DYRK1A: variants seen among roughly 807,000 people sequenced by gnomAD.
The protein encoded by DYRK1A is dual specificity tyrosine-phosphorylation-regulated kinase 1A.
In DYRK1A, 9 loss-of-function variants were observed where a neutral mutation model predicts 79.7. The observed-to-expected ratio is 0.11, with a 90% CI of 0.07 to 0.20. The LOEUF (loss-of-function observed/expected upper bound fraction) is 0.20. Ranked by LOEUF, DYRK1A falls within the 10% of genes least tolerant of loss-of-function variation. The pLI, the probability that DYRK1A is intolerant of heterozygous loss-of-function variation, is 1.00. For synonymous variants in DYRK1A, 349 were observed against 329.7 expected, an observed-to-expected ratio of 1.06 and a Z score of -0.63; for missense variants, 622 against 956.0, an observed-to-expected ratio of 0.65 and a Z score of 4.61.
At chr21:37,488,174 A>G (rs1332442507) in intron 6 of DYRK1A, 1 of 185,378 alleles carries the variant, frequency 5.4e-6, no homozygotes, top group Non-Finnish European at 1.0e-5. Context: ...GTTGACATTA[A>G]TGATCATATT....
chr21:37,372,857 A>G (rs530247490), intron 1 of DYRK1A, among the ~76,000 whole-genome samples: 101 of 152,134 alleles, frequency 6.6e-4, no homozygotes, highest in Non-Finnish European at 1.2e-3. Flanking sequence ...TTGGCCATGC[A>G]TTCTTTTTTT....
intron 2 of DYRK1A, among the ~76,000 whole-genome samples, chr21:37,435,278 A>G (rs903013308): frequency 6.6e-6 from 1 of 152,204 alleles, no homozygotes; most frequent in African/African-American, 2.4e-5. Context: ...ATCCTGACTA[A>G]CAGTTCCAAT....
chr21:37,505,205 CA>C (rs1445223041), intron 9 of DYRK1A, 77 bp from the exon 10 acceptor site: 18 of 1,184,484 alleles, frequency 1.5e-5, no homozygotes, highest in Non-Finnish European at 2.2e-5. Context: ...TATATTTAAA[CA>C]TATTTGAAAT....
At chr21:37,440,363 C>G (rs1353318420) in intron 2 of DYRK1A, among the ~76,000 whole-genome samples, 1 of 151,864 alleles carries the variant, frequency 6.6e-6, no homozygotes, top group Non-Finnish European at 1.5e-5. Flanking sequence ...TCTCGAACTC[C>G]TGACCTCAAG....
chr21:37,380,737 A>C (rs1262905696), intron 1 of DYRK1A, among the ~76,000 whole-genome samples: 1 of 151,938 alleles, frequency 6.6e-6, no homozygotes, highest in Admixed American at 6.6e-5. Flanking sequence ...AAAAAAAAAA[A>C]CCTACACAAT....
intron 1 of DYRK1A, among the ~76,000 whole-genome samples, chr21:37,392,640 T>G (rs189134415): frequency 1.3e-5 from 2 of 152,304 alleles, no homozygotes; most frequent in Admixed American, 1.3e-4. Flanking sequence ...TACAAGGACA[T>G]GAATCCCACA....
intron 5 of DYRK1A, among the ~76,000 whole-genome samples, chr21:37,482,253 G>A (rs963069159): frequency 7.9e-5 from 12 of 152,042 alleles, no homozygotes; most frequent in African/African-American, 2.2e-4. Flanking sequence ...GCCAGATATC[G>A]GGCAAAATTC....
intron 1 of DYRK1A, among the ~76,000 whole-genome samples, chr21:37,389,052 T>A (rs1345871537): frequency 6.6e-6 from 1 of 151,460 alleles, no homozygotes; most frequent in Non-Finnish European, 1.5e-5. Flanking sequence ...AAAAAAAATT[T>A]TTTTTTTAAG....
At chr21:37,400,031 C>G (rs561126979) in intron 1 of DYRK1A, among the ~76,000 whole-genome samples, 2 of 152,274 alleles carry the variant, frequency 1.3e-5, no homozygotes, top group East Asian at 1.9e-4. Context: ...AAATCAGAAT[C>G]ATTGAGCCTA....
chr21:37,430,363 C>G (rs1291627271), intron 2 of DYRK1A: 3 of 984,970 alleles, frequency 3.0e-6, no homozygotes, highest in African/African-American at 1.7e-5. Context: ...TCACTGAGGT[C>G]GTTCCAGTCA....
chr21:37,478,387 T>TC, intron 4 of DYRK1A, 87 bp downstream of exon 4: 1 of 1,110,770 alleles, frequency 9.0e-7, no homozygotes. Context: ...AACTTTTTTT[T>TC]CATTCCTAGT....
chr21:37,381,503 T>C (rs1395542564), intron 1 of DYRK1A, among the ~76,000 whole-genome samples: 1 of 152,108 alleles, frequency 6.6e-6, no homozygotes, highest in African/African-American at 2.4e-5. Context: ...TTGGAGCAGG[T>C]GTAAGTTGTG....
At chr21:37,480,999 A>T in intron 5 of DYRK1A, 173 bp downstream of exon 5, 1 of 549,588 alleles carries the variant, frequency 1.8e-6, no homozygotes, top group Non-Finnish European at 3.1e-6. Flanking sequence ...ATACTGCATC[A>T]GTAATATAAA....
intron 11 of DYRK1A, among the ~76,000 whole-genome samples, chr21:37,508,812 TTCC>T: frequency 6.6e-6 from 1 of 152,322 alleles, no homozygotes; most frequent in South Asian, 2.1e-4. Flanking sequence ...GAACACTCTT[TTCC>T]TCCTCCTTTT....
chr21:37,506,421 A>G, intron 11 of DYRK1A, 198 bp downstream of exon 11: 1 of 1,467,232 alleles, frequency 6.8e-7, no homozygotes, highest in Non-Finnish European at 9.2e-7. Flanking sequence ...AGTGGCTAAC[A>G]CTTATTGGGG....
intron 3 of DYRK1A, among the ~76,000 whole-genome samples, chr21:37,477,473 G>C (rs569222249): frequency 1.3e-5 from 2 of 152,288 alleles, no homozygotes; most frequent in African/African-American, 2.4e-5. Context: ...TGTGTATAGA[G>C]GGGGTGCATG....
At position 37,490,326 on chromosome 21, in the gene DYRK1A, A is replaced by T. The variant is rs752384587; in HGVS notation, c.789A>T (p.Ala263=). 1.2e-6 allele frequency: 2 copies of T among 1,613,790 alleles called. No individual in the cohort carries two copies. The highest frequency in any genetic ancestry group is 3.3e-5 in the Admixed American group (2 of 59,998). Residue 263 remains alanine, a synonymous_variant, in exon 7 of 12, where the codon GCA becomes GCT. Coordinates refer to ENST00000647188, the MANE Select transcript of DYRK1A (RefSeq NM_001347721.2). The part of the protein sequence containing the change: ...TRKFAQQMCT[A]LLFLATPELS... ...AGTTTGCGCAACAGATGTGCACTGC[A>T]CTGCTTTTCCTTGCGACTCCAGAAC...
chr21:37,492,127 C>T (rs1430132211), intron 7 of DYRK1A, among the ~76,000 whole-genome samples: 1 of 152,152 alleles, frequency 6.6e-6, no homozygotes, highest in East Asian at 1.9e-4. Flanking sequence ...TTATAAAAAC[C>T]ATGGAAATGT....
Position 37,516,888 on chromosome 21 carries a change from T to C in DYRK1A, c.*4357T>C, listed in dbSNP as rs2053886265. The C allele has an allele frequency of 6.6e-6, 1 of 152,250 alleles. No homozygotes were observed. The highest frequency in any genetic ancestry group is 2.4e-5 in the African/African-American group (1 of 41,462). The allele number at this position is 152,250 out of a possible 1,614,324, so 9.4% of individuals were successfully genotyped here. On this transcript the variant is annotated 3_prime_UTR_variant, in exon 12 of 12. Coordinates refer to ENST00000647188, the MANE Select transcript of DYRK1A (RefSeq NM_001347721.2). Reference sequence around the variant, plus strand: ...AAGTGTTTCTCCAACTGGACGCTGATTTGAAACACAACTAGAATGCTACAG... The same window carrying C: ...AAGTGTTTCTCCAACTGGACGCTGACTTGAAACACAACTAGAATGCTACAG...
Sources: allele counts gnomAD v4.1 joint callset (sites outside exome capture counted in the v4.1 genomes callset), GRCh38; gene constraint gnomAD v4.1.1; transcripts MANE v1.5; gene names NCBI Gene and HGNC (gene_info 2026-07-23, HGNC 2026-07-21).